Variants in ULK4 observed in about 807,000 individuals in gnomAD.
The protein encoded by ULK4 is unc-51 like kinase 4.
A neutral mutation model predicts 160.6 loss-of-function variants in ULK4; 133 were observed. The observed-to-expected ratio is 0.83, with a 90% CI of 0.72 to 0.96. ULK4 has a LOEUF of 0.96. Among genes scored for constraint, ULK4 ranks in the 40% least tolerant of loss-of-function variants. The pLI, the probability that ULK4 is intolerant of heterozygous loss-of-function variation, is 0.00. For synonymous variants in ULK4, 534 were observed against 539.8 expected, an observed-to-expected ratio of 0.99 and a Z score of 0.15; for missense variants, 1,580 against 1,499.5, an observed-to-expected ratio of 1.05 and a Z score of -0.89.
rs772368917 is a variant in ULK4 at position 41,463,259 on chromosome 3, G to C, written c.3227-6C>G. ...ACAGATGTGACTGACAAGTCCTGAG[G>C]GTAAAAAAGGAAAAGAAAAAAACCT... is the stretch of plus-strand genomic sequence containing the variant. On this transcript the variant is annotated splice_region_variant and splice_polypyrimidine_tract_variant and intron_variant, in intron 32 of 36. Coordinates refer to ENST00000301831, the MANE Select transcript of ULK4 (RefSeq NM_017886.4). The C allele has an allele frequency of 1.9e-6, 3 of 1,602,178 alleles. No individual in the cohort carries two copies. The highest frequency in any genetic ancestry group is 2.6e-6 in the Non-Finnish European group (3 of 1,173,746).
intron 34 of ULK4, among the ~76,000 whole-genome samples, chr3:41,412,503 C>T (rs1377153762): frequency 1.3e-5 from 2 of 148,946 alleles, no homozygotes; most frequent in Admixed American, 1.3e-4. Context: ...AGCCCATAGG[C>T]TCACATAAGT....
chr3:41,953,219 T>C, intron 2 of ULK4, among the ~76,000 whole-genome samples: 1 of 148,704 alleles, frequency 6.7e-6, no homozygotes, highest in East Asian at 1.9e-4. Flanking sequence ...TTTACTACTA[T>C]ATACATATAT....
chr3:41,796,330 C>A (rs1030088546), intron 20 of ULK4, among the ~76,000 whole-genome samples: 4 of 151,888 alleles, frequency 2.6e-5, no homozygotes, highest in Non-Finnish European at 5.9e-5. Flanking sequence ...GTGGCTCACG[C>A]CTGTAATCCC....
chr3:41,887,109 G>A (rs1697753268), intron 16 of ULK4, among the ~76,000 whole-genome samples: 1 of 152,192 alleles, frequency 6.6e-6, no homozygotes, highest in South Asian at 2.1e-4. Flanking sequence ...AGTCTGTATA[G>A]GATGGTGTCT....
chr3:41,828,784 A>G (rs974181619), intron 18 of ULK4, among the ~76,000 whole-genome samples: 1 of 152,084 alleles, frequency 6.6e-6, no homozygotes, highest in Non-Finnish European at 1.5e-5. Flanking sequence ...TTACAGAATT[A>G]GAAAAAACTA....
intron 35 of ULK4, among the ~76,000 whole-genome samples, chr3:41,306,283 G>T (rs1196267456): frequency 8.0e-6 from 1 of 124,282 alleles, no homozygotes; most frequent in Non-Finnish European, 1.6e-5. Flanking sequence ...CCTCTGCCCG[G>T]CCGCCCCTAC....
intron 5 of ULK4, among the ~76,000 whole-genome samples, chr3:41,921,318 T>C (rs1184587865): frequency 6.7e-6 from 1 of 148,760 alleles, no homozygotes; most frequent in African/African-American, 2.5e-5. Context: ...TCTCAAAAAA[T>C]AAATAAACGA....
At chr3:41,922,857 G>C (rs562785714) in intron 5 of ULK4, among the ~76,000 whole-genome samples, 1 of 152,172 alleles carries the variant, frequency 6.6e-6, no homozygotes, top group African/African-American at 2.4e-5. Flanking sequence ...TCTTAAGAAA[G>C]GTTCTTCAGG....
At chr3:41,754,265 A>T in intron 22 of ULK4, 96 bp downstream of exon 22, 1 of 1,366,526 alleles carries the variant, frequency 7.3e-7, no homozygotes, top group Non-Finnish European at 9.8e-7. Context: ...TTAAAAAAAA[A>T]TACCAGATAC....
chr3:41,628,359 C>T (rs899160601), intron 30 of ULK4, among the ~76,000 whole-genome samples: 2 of 152,154 alleles, frequency 1.3e-5, no homozygotes, highest in African/African-American at 2.4e-5. Context: ...ACCTGGCAAA[C>T]ACCACAAAGG....
intron 17 of ULK4, chr3:41,859,653 T>G (rs536413440): frequency 1.1e-5 from 3 of 280,472 alleles, no homozygotes; most frequent in Admixed American, 4.2e-5. Context: ...ATTCCTTCTT[T>G]TTTGTTTGTT....
chr3:41,589,483 G>T (rs910882593), intron 31 of ULK4, among the ~76,000 whole-genome samples: 5 of 141,276 alleles, frequency 3.5e-5, no homozygotes, highest in Admixed American at 7.1e-5. Context: ...GTAGGAGTAA[G>T]AGAAACAATT....
chr3:41,872,583 T>C (rs1244473825), intron 17 of ULK4, among the ~76,000 whole-genome samples: 1 of 152,138 alleles, frequency 6.6e-6, no homozygotes, highest in African/African-American at 2.4e-5. Flanking sequence ...TCCACTTCCC[T>C]TCTTTCAGGT....
chr3:41,357,639 G>C (rs1245994339), intron 35 of ULK4, among the ~76,000 whole-genome samples: 1 of 152,204 alleles, frequency 6.6e-6, no homozygotes, highest in Non-Finnish European at 1.5e-5. Context: ...GCAGAGCCTA[G>C]CACAGAGTAG....
intron 32 of ULK4, among the ~76,000 whole-genome samples, chr3:41,513,487 T>C (rs565905374): frequency 3.3e-5 from 5 of 152,218 alleles, no homozygotes; most frequent in Admixed American, 1.3e-4. Flanking sequence ...ACCAAAGTTA[T>C]CTGGGCGTGG....
At chr3:41,527,146 G>A (rs2086146969) in intron 32 of ULK4, among the ~76,000 whole-genome samples, 1 of 152,198 alleles carries the variant, frequency 6.6e-6, no homozygotes, top group African/African-American at 2.4e-5. Context: ...CTCCTGTAAG[G>A]ACAGAAGAGG....
At chr3:41,761,556 A>C (rs1443150073) in intron 21 of ULK4, among the ~76,000 whole-genome samples, 1 of 151,800 alleles carries the variant, frequency 6.6e-6, no homozygotes, top group South Asian at 2.1e-4. Flanking sequence ...CACTACTGTC[A>C]GTCTGAGACT....
chr3:41,568,698 A>T (rs2087868209), intron 31 of ULK4, among the ~76,000 whole-genome samples: 1 of 152,124 alleles, frequency 6.6e-6, no homozygotes, highest in Non-Finnish European at 1.5e-5. Flanking sequence ...AACACAGGAG[A>T]CTTCTGTGAC....
intron 6 of ULK4, 55 bp from the exon 7 acceptor site, chr3:41,918,595 C>CTTTT (rs36064862): frequency 3.7e-4 from 84 of 226,746 alleles, no homozygotes; most frequent in African/African-American, 4.4e-4. Flanking sequence ...ACCAATAATT[C>CTTTT]TTTTTTTTTT....
Sources: gnomAD v4.1 joint callset for allele counts (sites outside exome capture counted in the v4.1 genomes callset) on GRCh38, gnomAD v4.1.1 for gene constraint, MANE v1.5 for transcripts, NCBI Gene and HGNC (gene_info 2026-07-23, HGNC 2026-07-21) for gene names.